The following ATP6V0E2 variants were observed in gnomAD, a reference collection of about 807,000 sequenced individuals.
ATP6V0E2 encodes the protein ATPase H+ transporting V0 subunit e2.
Under a neutral mutation model 11.5 loss-of-function variants are expected in ATP6V0E2, and 4 were observed. That is an observed-to-expected ratio of 0.35 (90% CI 0.17 to 0.80). The LOEUF (loss-of-function observed/expected upper bound fraction) is 0.80. Among genes scored for constraint, ATP6V0E2 ranks in the 30% least tolerant of loss-of-function variants. ATP6V0E2 has a pLI of 0.53. For synonymous variants in ATP6V0E2, 52 were observed against 51.0 expected (o/e 1.02, Z -0.09); for missense variants, 93 against 113.5 (o/e 0.82, Z 0.82).
In ATP6V0E2 at chr7:149,876,201, C is replaced by T. The variant is rs1159530848; in HGVS notation, c.152+556C>T. 7.2e-6 allele frequency: 3 copies of T among 418,038 alleles called. No homozygotes were observed. In the East Asian group the frequency reaches 2.1e-4, roughly 30 times the overall value. 25.9% of individuals were successfully genotyped at this position (418,038 alleles called of 1,614,324 possible). A position where few individuals can be genotyped will look rare whatever the true frequency, so the allele number is the denominator to read the frequency against. On this transcript the variant is annotated intron_variant, in intron 2 of 3. Coordinates refer to ENST00000425642, the MANE Select transcript of ATP6V0E2 (RefSeq NM_145230.4). Reference sequence around the variant, plus strand: ...GACCAGTCTGGCCAACATAGTGAAACTCCGTCTCTACTAAAAATACAAAAA... The same window carrying T: ...GACCAGTCTGGCCAACATAGTGAAATTCCGTCTCTACTAAAAATACAAAAA...
intron 1 of ATP6V0E2, 44 bp downstream of exon 1, chr7:149,874,213 C>A: frequency 7.3e-6 from 11 of 1,512,412 alleles, no homozygotes; most frequent in Non-Finnish European, 9.8e-6. Flanking sequence ...CACCCCGGCC[C>A]CCTGGCCCGG....
chr7:149,874,487 C>T (rs1171075282), intron 1 of ATP6V0E2: 2 of 309,706 alleles, frequency 6.5e-6, no homozygotes, highest in African/African-American at 4.4e-5. Context: ...AGCTGTGTGA[C>T]CTAGAGCCAA....
intron 2 of ATP6V0E2, among the ~76,000 whole-genome samples, chr7:149,878,129 C>CA (rs1486733911): frequency 6.6e-6 from 1 of 152,210 alleles, no homozygotes; most frequent in Non-Finnish European, 1.5e-5. Flanking sequence ...GACAGCCACC[C>CA]ACACGCCCAG....
At chr7:149,874,312 G>A (rs1803008934) in intron 1 of ATP6V0E2, 143 bp downstream of exon 1, 8 of 1,120,976 alleles carry the variant, frequency 7.1e-6, no homozygotes, top group Non-Finnish European at 9.8e-6. Context: ...CACCTCTGAG[G>A]TCTCTCTGCA....
rs184364483 is a variant in ATP6V0E2 at position 149,875,660 on chromosome 7, C to T, written c.152+15C>T. On this transcript the variant is annotated intron_variant, in intron 2 of 3. Transcript: ENST00000425642. ...TGTTACCTCTTGTAAGTACTACTCT[C>T]CCCAGCTCAAAGTCAGCCAGTTCCT... 2 of 1,611,820 alleles carry T rather than the reference C, an allele frequency of 1.2e-6. No homozygotes were observed. Among genetic ancestry groups the T allele is most frequent in the East Asian group, 2.2e-5 (1 of 44,860 alleles).
At chr7:149,879,292 T>A in intron 3 of ATP6V0E2, 43 bp from the exon 4 acceptor site, 1 of 1,448,790 alleles carries the variant, frequency 6.9e-7, no homozygotes, top group South Asian at 1.5e-5. Context: ...CAGTGGAGTC[T>A]CCACTGCAAG....
Position 149,875,594 on chromosome 7 carries a change from G to A in ATP6V0E2, c.105-4G>A. The A allele has an allele frequency of 6.2e-7, 1 of 1,613,854 alleles. No homozygotes were observed. Among genetic ancestry groups the A allele is most frequent in the Non-Finnish European group, 8.5e-7 (1 of 1,179,876 alleles). ...GTTCTGACCCGTGTCCTCTTCTGCT[G>A]CAGAGTGATCATCACCATGCTGGTC... On this transcript the variant is annotated splice_polypyrimidine_tract_variant and splice_region_variant and intron_variant, in intron 1 of 3. Coordinates refer to ENST00000425642, the MANE Select transcript of ATP6V0E2 (RefSeq NM_145230.4).
chr7:149,874,202 C>T, intron 1 of ATP6V0E2, 33 bp downstream of exon 1: 8 of 1,524,266 alleles, frequency 5.2e-6, no homozygotes, highest in Non-Finnish European at 7.1e-6. Flanking sequence ...GCAGACCTCT[C>T]CACCCCGGCC....
chr7:149,875,589 C>G lies in ATP6V0E2; in HGVS notation c.105-9C>G. The G allele has an allele frequency of 6.2e-7, 1 of 1,613,862 alleles. No homozygotes were observed. The highest frequency in any genetic ancestry group is 8.5e-7 in the Non-Finnish European group (1 of 1,179,866). ...CATTTGTTCTGACCCGTGTCCTCTT[C>G]TGCTGCAGAGTGATCATCACCATGC... On this transcript the variant is annotated splice_polypyrimidine_tract_variant and intron_variant, in intron 1 of 3. Coordinates refer to ENST00000425642, the MANE Select transcript of ATP6V0E2 (RefSeq NM_145230.4).
At chr7:149,874,349 G>C (rs1022753810) in intron 1 of ATP6V0E2, among the ~76,000 whole-genome samples, 180 bp downstream of exon 1, 1 of 152,172 alleles carries the variant, frequency 6.6e-6, no homozygotes, top group Non-Finnish European at 1.5e-5. Context: ...CCGGGAACAG[G>C]CAGGAGGTGG....
upstream of ATP6V0E2, chr7:149,873,916 G>T: frequency 1.3e-6 from 2 of 1,523,294 alleles, no homozygotes; most frequent in East Asian, 2.4e-5. Flanking sequence ...GCTGGATCAG[G>T]AGATGCGCGT....
In ATP6V0E2 at chr7:149,878,708, C is replaced by A. The variant is rs1050524422; in HGVS notation, c.183C>A (p.Asn61Lys). ...FWLIAILAQLNPLFGPQLKNE... is the reference protein window; with the variant it reads ...FWLIAILAQLKPLFGPQLKNE... ...TCATCGCCATCCTGGCGCAGCTGAA[C>A]CCCCTGTTCGGGCCCCAGCTGAAGA... The change falls in exon 3 of 4, where the codon AAC (asparagine) becomes AAA (lysine). Residue 61 changes from asparagine (N) to lysine (K), a missense_variant. Coordinates refer to ENST00000425642, the MANE Select transcript of ATP6V0E2 (RefSeq NM_145230.4). 4 of 1,612,648 alleles carry A rather than the reference C, an allele frequency of 2.5e-6. No homozygotes were observed. The highest frequency in any genetic ancestry group is 2.7e-5 in the African/African-American group (2 of 74,942).
In ATP6V0E2 at chr7:149,874,097, T is replaced by C; in HGVS notation, c.32T>C (p.Ile11Thr). 6.5e-7 allele frequency: 1 copy of C among 1,549,966 alleles called. No homozygotes were observed. Among genetic ancestry groups the C allele is most frequent in the Non-Finnish European group, 8.7e-7 (1 of 1,146,592 alleles). Residue 11 changes from isoleucine (I) to threonine (T), a missense_variant, in exon 1 of 4, where the codon ATC (isoleucine) becomes ACC (threonine). Transcript: ENST00000425642. Reference protein sequence around the residue: MTAHSFALPVIIFTTFWGLVG... With the variant: MTAHSFALPVTIFTTFWGLVG... ...GCGCACTCATTCGCCCTCCCGGTCA[T>C]CATCTTCACCACGTTCTGGGGCCTC...
intron 1 of ATP6V0E2, 73 bp downstream of exon 1, chr7:149,874,242 G>A (rs2128947219): frequency 5.4e-6 from 8 of 1,471,854 alleles, no homozygotes; most frequent in Non-Finnish European, 6.3e-6. Flanking sequence ...TCCGCCCCGG[G>A]GCGGCGGCTT....
Position 149,875,658 on chromosome 7 carries a change from C to CT in ATP6V0E2, c.152+14dup. 6.2e-7 allele frequency: 1 copy of CT among 1,612,246 alleles called. No individual in the cohort carries two copies. Among genetic ancestry groups the CT allele is most frequent in the Non-Finnish European group, 8.5e-7 (1 of 1,179,020 alleles). ...GCTGTTACCTCTTGTAAGTACTACT[C>CT]TCCCCAGCTCAAAGTCAGCCAGTTC... On this transcript the variant is annotated intron_variant, in intron 2 of 3. Coordinates refer to ENST00000425642, the MANE Select transcript of ATP6V0E2 (RefSeq NM_145230.4).
chr7:149,879,410 A>T lies in ATP6V0E2; in HGVS notation c.*95A>T. ...CGTCCGGACCCTCCCCCACACAACT[A>T]TGTCTGGTCACCAGCTCCCTCCTGC... On this transcript the variant is annotated 3_prime_UTR_variant, in exon 4 of 4. Coordinates refer to ENST00000425642, the MANE Select transcript of ATP6V0E2 (RefSeq NM_145230.4). The T allele has an allele frequency of 6.2e-7, 1 of 1,604,566 alleles. No individual in the cohort carries two copies. Among genetic ancestry groups the T allele is most frequent in the Non-Finnish European group, 8.5e-7 (1 of 1,175,784 alleles).
chr7:149,876,232 C>T lies in ATP6V0E2; in HGVS notation c.152+587C>T, dbSNP rs10243599. 3.6e-3 allele frequency: 1,398 copies of T among 391,006 alleles called. 18 individuals are homozygous for T. The highest frequency in any genetic ancestry group is 0.027 in the African/African-American group (1,322 of 48,230). The allele number at this position is 391,006 out of a possible 1,614,324, so 24.2% of individuals were successfully genotyped here. ...CTCTACTAAAAATACAAAAATTAGC[C>T]AGGCCTGGTGGCGCGTGCCTGTAGT... On this transcript the variant is annotated intron_variant, in intron 2 of 3. Coordinates refer to ENST00000425642, the MANE Select transcript of ATP6V0E2 (RefSeq NM_145230.4).
chr7:149,880,435 T>A lies in ATP6V0E2; in HGVS notation c.*1120T>A, dbSNP rs1171517899. ...CAGGGGAAGAAACGACAGCCTCACT[T>A]CTGTATGGACTGCTGATGTGGCCTG... On this transcript the variant is annotated 3_prime_UTR_variant, in exon 4 of 4. Coordinates refer to ENST00000425642, the MANE Select transcript of ATP6V0E2 (RefSeq NM_145230.4). The A allele has an allele frequency of 6.6e-6, 1 of 152,546 alleles. No individual in the cohort carries two copies. Among genetic ancestry groups the A allele is most frequent in the African/African-American group, 2.4e-5 (1 of 41,470 alleles). 9.4% of individuals were successfully genotyped at this position (152,546 alleles called of 1,614,324 possible). A position where few individuals can be genotyped will look rare whatever the true frequency, so the allele number is the denominator to read the frequency against.
chr7:149,874,624 A>G (rs973601791), intron 1 of ATP6V0E2: 1 of 160,202 alleles, frequency 6.2e-6, no homozygotes, highest in Non-Finnish European at 1.4e-5. Flanking sequence ...CTTTGTAGGT[A>G]TGGGATAAGT....
Sources: allele counts gnomAD v4.1 joint callset (sites outside exome capture counted in the v4.1 genomes callset), GRCh38; gene constraint gnomAD v4.1.1; transcripts MANE v1.5; gene names NCBI Gene and HGNC (gene_info 2026-07-23, HGNC 2026-07-21).